Variants in PTPRD observed in about 807,000 individuals in gnomAD.
PTPRD encodes the protein protein tyrosine phosphatase receptor type D, also known as receptor-type tyrosine-protein phosphatase delta.
A neutral mutation model predicts 214.5 loss-of-function variants in PTPRD; 34 were observed. The ratio of observed to expected loss-of-function variants is 0.16; its 90% CI spans 0.12 to 0.21. The LOEUF (loss-of-function observed/expected upper bound fraction) is 0.21, where lower values mean the gene tolerates loss of function less well. PTPRD is among the 10% of genes least tolerant of loss of function. PTPRD has a pLI of 1.00. For synonymous variants in PTPRD, 1,128 were observed against 845.7 expected, an observed-to-expected ratio of 1.33 and a Z score of -5.79; for missense variants, 2,545 against 2,398.7, an observed-to-expected ratio of 1.06 and a Z score of -1.27.
At chr9:8,523,452 C>A (rs370656641) in intron 19 of PTPRD, 61 bp downstream of exon 19, 100 of 1,564,298 alleles carry the variant, frequency 6.4e-5, no homozygotes, top group Non-Finnish European at 8.1e-5. Flanking sequence ...CATTTGTATT[C>A]TTTGTTATTG....
intron 2 of PTPRD, among the ~76,000 whole-genome samples, chr9:10,519,647 A>C (rs2051486050): frequency 2.6e-5 from 4 of 152,110 alleles, no homozygotes; most frequent in Admixed American, 2.6e-4. Flanking sequence ...GAGCAAGTCC[A>C]TCAGTGCCAA....
At chr9:9,921,861 T>A (rs1354847198) in intron 5 of PTPRD, among the ~76,000 whole-genome samples, 1 of 152,028 alleles carries the variant, frequency 6.6e-6, no homozygotes, top group African/African-American at 2.4e-5. Context: ...AACATTCCTA[T>A]CATTACCTCC....
Position 8,431,982 on chromosome 9 carries a change from A to G in PTPRD, c.4086+4610T>C, listed in dbSNP as rs139871651. 3.5e-4 allele frequency among the ~76,000 whole-genome samples: 53 copies of G among 152,302 alleles called. No individual in the cohort carries two copies. In the East Asian group the frequency reaches 8.5e-3, roughly 24 times the overall value. On this transcript the variant is annotated intron_variant, in intron 35 of 45. Coordinates refer to ENST00000381196, the MANE Select transcript of PTPRD (RefSeq NM_002839.4). ...CTGGGCTTTTTTTGGTTGGTACGCTATTAATTACTGCCTCAATTTCAAAAC... is the reference window on the plus strand; with the variant it reads ...CTGGGCTTTTTTTGGTTGGTACGCTGTTAATTACTGCCTCAATTTCAAAAC...
At chr9:9,790,313 T>C (rs1458891212) in intron 5 of PTPRD, among the ~76,000 whole-genome samples, 1 of 148,814 alleles carries the variant, frequency 6.7e-6, no homozygotes, top group Non-Finnish European at 1.5e-5. Context: ...CATCATCTAA[T>C]TTGTTTCCTG....
chr9:10,002,662 C>A (rs2096356406), intron 4 of PTPRD, among the ~76,000 whole-genome samples: 1 of 149,242 alleles, frequency 6.7e-6, no homozygotes, highest in Non-Finnish European at 1.5e-5. Context: ...ACATATGTAC[C>A]TAATGACAGA....
At chr9:10,573,017 G>A (rs1363272355) in intron 2 of PTPRD, among the ~76,000 whole-genome samples, 1 of 152,012 alleles carries the variant, frequency 6.6e-6, no homozygotes, top group Admixed American at 6.6e-5. Flanking sequence ...ATTTCCAGAT[G>A]GGAAAGTGAT....
chr9:9,321,866 T>C (rs1389607986), intron 9 of PTPRD, among the ~76,000 whole-genome samples: 3 of 152,308 alleles, frequency 2.0e-5, no homozygotes, highest in East Asian at 1.9e-4. Context: ...ATATATGCCA[T>C]CTATTTTACT....
chr9:10,512,429 T>C lies in PTPRD; in HGVS notation c.-600+99969A>G, dbSNP rs554881269. Among the ~76,000 whole-genome samples the C allele has an allele frequency of 9.9e-5, 15 of 152,050 alleles. 1 individual carries two copies. The East Asian group carries it at 2.9e-3, about 30-fold the overall frequency. On this transcript the variant is annotated intron_variant, in intron 2 of 45. Transcript: ENST00000381196. The stretch of plus-strand genomic sequence containing the variant: ...AATGTTGACCATGGGTAAATGCTAA[T>C]GGAAAGGGCCGGAGGAAAGGCTTGA...
chr9:9,401,056 A>G (rs2070222422), intron 8 of PTPRD, among the ~76,000 whole-genome samples: 1 of 152,078 alleles, frequency 6.6e-6, no homozygotes, highest in Non-Finnish European at 1.5e-5. Context: ...ATATATTATT[A>G]CCTTCTCTGT....
At chr9:9,030,508 A>G (rs957491640) in intron 10 of PTPRD, among the ~76,000 whole-genome samples, 2 of 151,698 alleles carry the variant, frequency 1.3e-5, no homozygotes, top group African/African-American at 4.8e-5. Context: ...TTTGTACTCC[A>G]TCTGGCTGCC....
intron 4 of PTPRD, among the ~76,000 whole-genome samples, chr9:9,952,181 T>A (rs2093516770): frequency 6.6e-6 from 1 of 152,128 alleles, no homozygotes; most frequent in Non-Finnish European, 1.5e-5. Flanking sequence ...AGTGAAAAAG[T>A]ACATTGGTGA....
At chr9:10,545,568 T>C (rs2060005623) in intron 2 of PTPRD, among the ~76,000 whole-genome samples, 1 of 152,170 alleles carries the variant, frequency 6.6e-6, no homozygotes, top group Non-Finnish European at 1.5e-5. Context: ...AATATTGTCC[T>C]TCCATTCAAA....
intron 12 of PTPRD, among the ~76,000 whole-genome samples, chr9:8,703,306 T>C (rs2098131057): frequency 6.6e-6 from 1 of 152,184 alleles, no homozygotes; most frequent in Non-Finnish European, 1.5e-5. Context: ...TGATATTACA[T>C]AAAAAATATT....
intron 9 of PTPRD, among the ~76,000 whole-genome samples, chr9:9,370,070 C>T (rs1248473721): frequency 9.9e-5 from 15 of 152,088 alleles, no homozygotes; most frequent in Non-Finnish European, 2.2e-4. Flanking sequence ...GTTCTTTTGG[C>T]TTAGGATTGA....
intron 12 of PTPRD, among the ~76,000 whole-genome samples, chr9:8,699,441 A>G (rs2098020059): frequency 2.0e-5 from 3 of 152,214 alleles, no homozygotes; most frequent in Admixed American, 1.3e-4. Context: ...TTTTTCCCCC[A>G]TATCCCTTAA....
At chr9:9,643,303 C>T (rs1173175812) in intron 7 of PTPRD, among the ~76,000 whole-genome samples, 1 of 152,056 alleles carries the variant, frequency 6.6e-6, no homozygotes, top group Non-Finnish European at 1.5e-5. Flanking sequence ...AAAAGACAGA[C>T]TTATACTTAA....
chr9:9,531,706 A>G (rs2075509817), intron 8 of PTPRD, among the ~76,000 whole-genome samples: 1 of 152,060 alleles, frequency 6.6e-6, no homozygotes, highest in Non-Finnish European at 1.5e-5. Flanking sequence ...GGGGTATTGA[A>G]AATAGTGCTG....
intron 5 of PTPRD, among the ~76,000 whole-genome samples, chr9:9,802,584 T>C (rs1215896669): frequency 6.6e-6 from 1 of 151,900 alleles, no homozygotes; most frequent in African/African-American, 2.4e-5. Context: ...TGGAAACTTT[T>C]TGTGGGAAAG....
chr9:8,663,303 G>A (rs1259786504), intron 12 of PTPRD, among the ~76,000 whole-genome samples: 1 of 141,342 alleles, frequency 7.1e-6, no homozygotes, highest in Non-Finnish European at 1.5e-5. Flanking sequence ...TTTTAATTCT[G>A]GGTCCACAAG....
Sources: gnomAD v4.1 joint callset for allele counts (sites outside exome capture counted in the v4.1 genomes callset) on GRCh38, gnomAD v4.1.1 for gene constraint, MANE v1.5 for transcripts, NCBI Gene and HGNC (gene_info 2026-07-23, HGNC 2026-07-21) for gene names.